Variants in DHX15 observed in about 807,000 individuals in gnomAD.
DHX15 encodes the protein DEAH-box helicase 15, also known as ATP-dependent RNA helicase DHX15.
Under a neutral mutation model 94.4 loss-of-function variants are expected in DHX15, and 11 were observed. The ratio of observed to expected loss-of-function variants is 0.12; its 90% CI spans 0.07 to 0.19. DHX15 has a LOEUF of 0.19. DHX15 is among the 10% of genes least tolerant of loss of function. The probability of loss-of-function intolerance (pLI) is 1.00; values close to 1 mark genes in which losing one functional copy is unlikely to be tolerated. For missense variants in DHX15, 304 were observed against 988.5 expected, an observed-to-expected ratio of 0.31 and a Z score of 9.29; for synonymous variants, 338 against 329.9, an observed-to-expected ratio of 1.02 and a Z score of -0.27.
chr4:24,571,677 AG>A (rs1722126131), intron 2 of DHX15, among the ~76,000 whole-genome samples: 1 of 152,250 alleles, frequency 6.6e-6, no homozygotes, highest in Non-Finnish European at 1.5e-5. Context: ...TTTACATCAA[AG>A]CTTCCAAACG....
rs1560765998 is a variant in DHX15 at position 24,547,945 on chromosome 4, ATAT to A, written c.1248+907_1248+909del. Among the ~76,000 whole-genome samples, 39 of 49,022 alleles carry A rather than the reference ATAT, an allele frequency of 8.0e-4. 1 individual carries two copies. The highest frequency in any genetic ancestry group is 3.1e-3 in the African/African-American group (35 of 11,238). 32.2% of individuals were successfully genotyped at this position (49,022 alleles called of 152,430 possible). Reference sequence around the variant, plus strand: ...TATATATATATATATATATATATCTATATCTATATCTATATCTATCTGCTGATG... The same window carrying A: ...TATATATATATATATATATATATCTACTATATCTATATCTATCTGCTGATG... On this transcript the variant is annotated intron_variant, in intron 6 of 13. Transcript: ENST00000336812.
At chr4:24,568,047 C>T (rs1722033933) in intron 3 of DHX15, among the ~76,000 whole-genome samples, 1 of 152,150 alleles carries the variant, frequency 6.6e-6, no homozygotes, top group South Asian at 2.1e-4. Context: ...ATCCCAAACA[C>T]TGAAGAAACT....
chr4:24,547,931 A>ATCTATATC (rs1721478652), intron 6 of DHX15, among the ~76,000 whole-genome samples: 34 of 36,326 alleles, frequency 9.4e-4, no homozygotes, highest in African/African-American at 4.3e-3. Flanking sequence ...ATATATATAT[A>ATCTATATC]TATATATATA....
intron 6 of DHX15, among the ~76,000 whole-genome samples, chr4:24,547,861 GTCTCTCTCTCTC>G (rs36229958): frequency 0.025 from 3,088 of 125,572 alleles, 83 homozygotes; most frequent in African/African-American, 0.046. Flanking sequence ...AGACATATAT[GTCTCTCTCTCTC>G]TCTCTCTCTC....
Position 24,556,344 on chromosome 4 carries a change from T to C in DHX15, c.768A>G (p.Val256=), listed in dbSNP as rs1721737735. ...MNDPLLERYG[V]IILDEAHERT... is the part of the protein sequence containing the mutation. Reference sequence around the variant, plus strand: ...TCTCATGAGCCTCATCAAGAATTATTACACCATAACGCTCCAGGAGGGGAT... The same window carrying C: ...TCTCATGAGCCTCATCAAGAATTATCACACCATAACGCTCCAGGAGGGGAT... Residue 256 remains valine (V), a synonymous_variant, in exon 4 of 14, where the codon GTA becomes GTG. Transcript: ENST00000336812. 3.0e-5 allele frequency: 49 copies of C among 1,613,662 alleles called. No homozygotes were observed. Among genetic ancestry groups the C allele is most frequent in the Non-Finnish European group, 4.0e-5 (47 of 1,179,724 alleles).
intron 6 of DHX15, among the ~76,000 whole-genome samples, chr4:24,546,145 CTG>C (rs1721419223): frequency 6.6e-6 from 1 of 152,180 alleles, no homozygotes; most frequent in Admixed American, 6.5e-5. Flanking sequence ...CCAGGGAACT[CTG>C]TGGTGGTCTC....
At chr4:24,571,533 T>C (rs1287233550) in intron 2 of DHX15, among the ~76,000 whole-genome samples, 1 of 152,250 alleles carries the variant, frequency 6.6e-6, no homozygotes, top group Non-Finnish European at 1.5e-5. Flanking sequence ...TTTCCCCCAG[T>C]TCCATTATCA....
intron 1 of DHX15, among the ~76,000 whole-genome samples, chr4:24,583,823 TCA>T (rs1722537434): frequency 6.6e-6 from 1 of 151,566 alleles, no homozygotes. Flanking sequence ...CGCGCTGCTC[TCA>T]CTTTCCGCCC....
chr4:24,561,492 C>A (rs1005391762), intron 3 of DHX15, among the ~76,000 whole-genome samples: 1 of 152,150 alleles, frequency 6.6e-6, no homozygotes, highest in Non-Finnish European at 1.5e-5. Flanking sequence ...CATAATGACA[C>A]AGGCCTGTGT....
At position 24,529,750 on chromosome 4, in the gene DHX15, T is replaced by C. The variant is rs1209262501; in HGVS notation, c.2121A>G (p.Thr707=). The part of the protein sequence containing the change: ...YFMQVAHLER[T]GHYLTVKDNQ... The stretch of plus-strand genomic sequence containing the variant: ...TATCTTTCACAGTTAAGTAATGCCC[T>C]GTTCGTTCTAAATGTGCCACCTGAA... Residue 707 remains threonine (T), a synonymous_variant, in exon 13 of 14, where the codon ACA becomes ACG. Coordinates refer to ENST00000336812, the MANE Select transcript of DHX15 (RefSeq NM_001358.3). 2 of 1,614,228 alleles carry C rather than the reference T, an allele frequency of 1.2e-6. No homozygotes were observed. The highest frequency in any genetic ancestry group is 1.7e-6 in the Non-Finnish European group (2 of 1,180,032).
chr4:24,547,920 T>TCTATATAG (rs1560765797), intron 6 of DHX15, among the ~76,000 whole-genome samples: 8 of 52,770 alleles, frequency 1.5e-4, no homozygotes, highest in African/African-American at 7.0e-4. Context: ...TATATATATA[T>TCTATATAG]ATATATATAT....
intron 3 of DHX15, among the ~76,000 whole-genome samples, chr4:24,569,207 T>A (rs1367823321): frequency 6.6e-6 from 1 of 152,168 alleles, no homozygotes; most frequent in Non-Finnish European, 1.5e-5. Flanking sequence ...CGAAATAACA[T>A]GGGACAGGGA....
At chr4:24,529,098 A>C (rs1033864436) in intron 13 of DHX15, among the ~76,000 whole-genome samples, 5 of 152,148 alleles carry the variant, frequency 3.3e-5, no homozygotes, top group Non-Finnish European at 7.4e-5. Context: ...ATCATAGCTC[A>C]CTGCAACCTC....
chr4:24,571,442 A>T (rs1023508357), intron 2 of DHX15, among the ~76,000 whole-genome samples: 2 of 152,250 alleles, frequency 1.3e-5, no homozygotes, highest in African/African-American at 4.8e-5. Flanking sequence ...GACCTAGAGC[A>T]GCACCACTTC....
chr4:24,541,898 T>C lies in DHX15; in HGVS notation c.1460A>G (p.Glu487Gly). The C allele has an allele frequency of 6.2e-7, 1 of 1,602,758 alleles. No individual in the cohort carries two copies. Among genetic ancestry groups the C allele is most frequent in the Non-Finnish European group, 8.5e-7 (1 of 1,172,396 alleles). ...CTGCATTTCTGTTTTATAAGCTTTC[T>C]CTGTGTAAAGTCTGAAGCATTTTCC... Reference protein sequence around the residue: ...RPGKCFRLYTEKAYKTEMQDN... With the variant: ...RPGKCFRLYTGKAYKTEMQDN... Residue 487 changes from glutamate (E) to glycine (G), a missense_variant, in exon 8 of 14, where the codon GAG becomes GGG. By Grantham distance (98) the Glu-to-Gly change is moderately conservative (BLOSUM62 -2). This residue lies in a region of DHX15 where 10 missense variants were observed against 179.2 expected (regional missense o/e 0.06). Transcript: ENST00000336812.
At chr4:24,559,485 A>T (rs1043452664) in intron 3 of DHX15, among the ~76,000 whole-genome samples, 3 of 152,104 alleles carry the variant, frequency 2.0e-5, no homozygotes, top group African/African-American at 4.8e-5. Flanking sequence ...GAACTCAGGA[A>T]AGGCAGAATC....
intron 2 of DHX15, among the ~76,000 whole-genome samples, chr4:24,572,078 G>A (rs1460791526): frequency 6.6e-6 from 1 of 152,108 alleles, no homozygotes; most frequent in African/African-American, 2.4e-5. Context: ...TTCACTCACT[G>A]GTGAACCAAA....
At chr4:24,551,542 C>CCTA (rs781306058) in intron 5 of DHX15, among the ~76,000 whole-genome samples, 9 of 151,996 alleles carry the variant, frequency 5.9e-5, no homozygotes, top group Non-Finnish European at 1.0e-4. Context: ...GTTACTAGAT[C>CCTA]CTCCTTTGAA....
At chr4:24,550,436 G>C (rs954749886) in intron 5 of DHX15, among the ~76,000 whole-genome samples, 1 of 151,894 alleles carries the variant, frequency 6.6e-6, no homozygotes, top group African/African-American at 2.4e-5. Context: ...CAAACACACC[G>C]TATGGCTGTG....
Sources: gnomAD v4.1 joint callset for allele counts (sites outside exome capture counted in the v4.1 genomes callset) on GRCh38, gnomAD v4.1.1 for gene constraint, gnomAD v4.1.1 regional missense constraint, MANE v1.5 for transcripts, NCBI Gene and HGNC (gene_info 2026-07-23, HGNC 2026-07-21) for gene names.